Variants in SEC24A observed in about 807,000 individuals in gnomAD.
The protein encoded by SEC24A is SEC24 homolog A, COPII component.
A neutral mutation model predicts 129.4 loss-of-function variants in SEC24A; 93 were observed. The observed-to-expected ratio is 0.72, with a 90% CI of 0.61 to 0.85. The LOEUF is 0.85. SEC24A is among the 40% of genes least tolerant of loss of function. The pLI, the probability that SEC24A is intolerant of heterozygous loss-of-function variation, is 0.00. For synonymous variants in SEC24A, 460 were observed against 467.3 expected, an observed-to-expected ratio of 0.98 and a Z score of 0.20; for missense variants, 1,264 against 1,307.4, an observed-to-expected ratio of 0.97 and a Z score of 0.51.
chr5:134,655,209 G>A (rs1750198389), intron 1 of SEC24A, among the ~76,000 whole-genome samples: 1 of 152,118 alleles, frequency 6.6e-6, no homozygotes, highest in Non-Finnish European at 1.5e-5. Flanking sequence ...ACAAAGGTGG[G>A]ACCTGGGATC....
chr5:134,657,076 C>G (rs1387745402), intron 1 of SEC24A, among the ~76,000 whole-genome samples: 2 of 151,786 alleles, frequency 1.3e-5, no homozygotes, highest in African/African-American at 4.8e-5. Context: ...GGCCCAGCTA[C>G]TCAAGAGGGG....
chr5:134,720,783 G>A (rs1461026272), intron 20 of SEC24A, among the ~76,000 whole-genome samples: 1 of 152,008 alleles, frequency 6.6e-6, no homozygotes, highest in Non-Finnish European at 1.5e-5. Context: ...CACGCCTGTA[G>A]TCCCAGCTAC....
chr5:134,655,751 G>A (rs1184394383), intron 1 of SEC24A, among the ~76,000 whole-genome samples: 1 of 152,084 alleles, frequency 6.6e-6, no homozygotes, highest in Admixed American at 6.6e-5. Context: ...CATTTTCCGA[G>A]CTGCATTTGA....
chr5:134,716,827 A>G (rs563419771), intron 19 of SEC24A, among the ~76,000 whole-genome samples: 47 of 150,694 alleles, frequency 3.1e-4, no homozygotes, highest in African/African-American at 1.1e-3. Context: ...AGAATTTAAG[A>G]TACTTTACAT....
intron 7 of SEC24A, among the ~76,000 whole-genome samples, chr5:134,676,502 G>A (rs942523066): frequency 9.9e-5 from 14 of 141,568 alleles, no homozygotes; most frequent in Non-Finnish European, 1.8e-4. Context: ...GGAGTGTAGT[G>A]GCGAGATCTC....
chr5:134,668,700 T>C (rs941348572), intron 3 of SEC24A, among the ~76,000 whole-genome samples: 5 of 151,098 alleles, frequency 3.3e-5, no homozygotes, highest in Non-Finnish European at 7.4e-5. Context: ...CACTCCAGCC[T>C]GGGTGACAAG....
rs186613391 is a variant in SEC24A at position 134,682,572 on chromosome 5, T to A, written c.1491+90T>A. 1.7e-4 allele frequency: 108 copies of A among 649,640 alleles called. No homozygotes were observed. The East Asian group carries it at 3.0e-3, about 18-fold the overall frequency. The allele number at this position is 649,640 out of a possible 1,614,324, so 40.2% of individuals were successfully genotyped here. On this transcript the variant is annotated intron_variant, in intron 9 of 22. Transcript: ENST00000398844. ...CAGCATCCTGTAACAAAATTTTATT[T>A]TATTTTATTTTGAGACAGAGTTTCA...
intron 10 of SEC24A, among the ~76,000 whole-genome samples, chr5:134,687,740 T>C (rs1751499507): frequency 6.6e-6 from 1 of 152,268 alleles, no homozygotes; most frequent in Non-Finnish European, 1.5e-5. Context: ...TCCCCTTATA[T>C]AATTGTAGTT....
intron 15 of SEC24A, among the ~76,000 whole-genome samples, chr5:134,699,787 T>C (rs1751947884): frequency 7.0e-6 from 1 of 143,846 alleles, no homozygotes; most frequent in South Asian, 2.5e-4. Flanking sequence ...GCAACCTCCA[T>C]CTCCCAGGTT....
intron 12 of SEC24A, chr5:134,693,378 C>G: frequency 7.4e-7 from 1 of 1,357,512 alleles, no homozygotes; most frequent in Non-Finnish European, 9.5e-7. Flanking sequence ...TTGGAACTTA[C>G]AAGAATAAAG....
intron 7 of SEC24A, among the ~76,000 whole-genome samples, chr5:134,677,550 AAT>A (rs914088766): frequency 6.6e-6 from 1 of 151,216 alleles, no homozygotes; most frequent in African/African-American, 2.4e-5. Context: ...AAAAAAAAAA[AAT>A]AAAGGCCAGG....
At chr5:134,670,262 C>A (rs572039212) in intron 3 of SEC24A, among the ~76,000 whole-genome samples, 1 of 152,138 alleles carries the variant, frequency 6.6e-6, no homozygotes, top group Non-Finnish European at 1.5e-5. Flanking sequence ...TCACAATATG[C>A]CCAGTGTTTT....
chr5:134,719,778 G>T (rs1192123596), intron 20 of SEC24A, among the ~76,000 whole-genome samples: 1 of 152,008 alleles, frequency 6.6e-6, no homozygotes, highest in African/African-American at 2.4e-5. Flanking sequence ...CTTAGGTCGG[G>T]AGTTCAAGAC....
At chr5:134,713,345 G>C (rs1424143309) in intron 18 of SEC24A, among the ~76,000 whole-genome samples, 1 of 151,880 alleles carries the variant, frequency 6.6e-6, no homozygotes, top group African/African-American at 2.4e-5. Context: ...TTAATATGCA[G>C]TACCCCAATC....
At chr5:134,694,090 T>G (rs574772812) in intron 13 of SEC24A, among the ~76,000 whole-genome samples, 157 bp downstream of exon 13, 1 of 152,350 alleles carries the variant, frequency 6.6e-6, no homozygotes, top group East Asian at 1.9e-4. Flanking sequence ...TGTTACATTT[T>G]TCTCTACCTG....
intron 11 of SEC24A, among the ~76,000 whole-genome samples, chr5:134,690,331 T>G (rs557880446): frequency 6.6e-6 from 1 of 152,318 alleles, no homozygotes; most frequent in African/African-American, 2.4e-5. Context: ...TTACTATTTT[T>G]TTAAAGACAG....
chr5:134,683,387 A>T (rs182004663), intron 9 of SEC24A, among the ~76,000 whole-genome samples: 2 of 151,670 alleles, frequency 1.3e-5, no homozygotes, highest in East Asian at 1.9e-4. Flanking sequence ...CTTCATACAA[A>T]TTTTTTTTCT....
chr5:134,693,875 C>T lies in SEC24A; in HGVS notation c.1928C>T (p.Thr643Ile). 1 of 1,614,150 alleles carries T rather than the reference C, an allele frequency of 6.2e-7. No individual in the cohort carries two copies. The highest frequency in any genetic ancestry group is 8.5e-7 in the Non-Finnish European group (1 of 1,180,024). ...RMSVFQTQLP[T>I]LGVGALKPRE... is the part of the protein sequence containing the mutation. ...TCTGTCTTTCAAACACAACTCCCAA[C>T]TCTTGGAGTGGGAGCCCTGAAACCA... Residue 643 changes from threonine to isoleucine, a missense_variant, in exon 13 of 23, where the codon ACT becomes ATT. Thr to Ile is a moderately conservative substitution (Grantham distance 89). Transcript: ENST00000398844.
intron 13 of SEC24A, among the ~76,000 whole-genome samples, chr5:134,696,689 G>A (rs973265790): frequency 6.6e-6 from 1 of 151,934 alleles, no homozygotes; most frequent in Non-Finnish European, 1.5e-5. Flanking sequence ...TAGTAGAGAC[G>A]GGGTTTCACC....
Sources: gnomAD v4.1 joint callset for allele counts (sites outside exome capture counted in the v4.1 genomes callset) on GRCh38, gnomAD v4.1.1 for gene constraint, MANE v1.5 for transcripts, NCBI Gene and HGNC (gene_info 2026-07-23, HGNC 2026-07-21) for gene names.